The following PPP2R3A variants were observed in gnomAD, a reference collection of about 807,000 sequenced individuals.
PPP2R3A encodes serine/threonine-protein phosphatase 2A regulatory subunit B'' subunit alpha.
Under a neutral mutation model 106.9 loss-of-function variants are expected in PPP2R3A, and 80 were observed. That is an observed-to-expected ratio of 0.75 (90% CI 0.62 to 0.90). The LOEUF (loss-of-function observed/expected upper bound fraction) is 0.90. PPP2R3A is among the 40% of genes least tolerant of loss of function. The pLI is 0.00. For synonymous variants in PPP2R3A, 483 were observed against 468.3 expected (o/e 1.03, Z -0.41); for missense variants, 1,386 against 1,350.4 (o/e 1.03, Z -0.41).
intron 5 of PPP2R3A, among the ~76,000 whole-genome samples, chr3:136,067,893 T>C (rs182028979): frequency 5.9e-5 from 9 of 152,312 alleles, no homozygotes; most frequent in African/African-American, 2.2e-4. Flanking sequence ...GGTCATCTTA[T>C]GCCAGAAAAT....
intron 6 of PPP2R3A, among the ~76,000 whole-genome samples, chr3:136,078,161 T>A (rs1936657606): frequency 6.6e-6 from 1 of 152,244 alleles, no homozygotes; most frequent in Admixed American, 6.5e-5. Context: ...GAATTTTTTT[T>A]ATTCTTCTTG....
intron 7 of PPP2R3A, among the ~76,000 whole-genome samples, chr3:136,079,495 G>A (rs762759219): frequency 1.7e-4 from 25 of 149,188 alleles, no homozygotes; most frequent in Middle Eastern, 3.5e-3. Context: ...CACAATGTCC[G>A]CCTTCTGGAT....
intron 10 of PPP2R3A, among the ~76,000 whole-genome samples, chr3:136,093,720 A>G (rs1260480205): frequency 1.3e-5 from 2 of 152,204 alleles, no homozygotes; most frequent in African/African-American, 4.8e-5. Context: ...TCACACTAGG[A>G]TAGTTATCAA....
At chr3:136,088,020 G>T in intron 9 of PPP2R3A, 89 bp downstream of exon 9, 2 of 1,162,540 alleles carry the variant, frequency 1.7e-6, no homozygotes, top group South Asian at 1.3e-5. Context: ...GAATAATTTG[G>T]CAGTGCTATT....
intron 9 of PPP2R3A, among the ~76,000 whole-genome samples, chr3:136,088,237 C>T (rs545080722): frequency 5.3e-5 from 8 of 152,280 alleles, no homozygotes; most frequent in African/African-American, 1.9e-4. Context: ...TCCCTCAGCC[C>T]TCACTGTGCT....
At chr3:136,042,862 G>A (rs1345688442) in intron 4 of PPP2R3A, among the ~76,000 whole-genome samples, 1 of 152,128 alleles carries the variant, frequency 6.6e-6, no homozygotes, top group African/African-American at 2.4e-5. Flanking sequence ...TTAAAAGCCA[G>A]GGTGCTTGAA....
At chr3:136,109,315 G>A (rs1937561398) in intron 13 of PPP2R3A, among the ~76,000 whole-genome samples, 1 of 152,058 alleles carries the variant, frequency 6.6e-6, no homozygotes, top group African/African-American at 2.4e-5. Context: ...GAAAAACACA[G>A]ACCATGCGGC....
intron 8 of PPP2R3A, among the ~76,000 whole-genome samples, chr3:136,082,798 C>A (rs1010191591): frequency 6.6e-6 from 1 of 152,036 alleles, no homozygotes; most frequent in Non-Finnish European, 1.5e-5. Context: ...CTGTAAAAAG[C>A]CAAGCATGAA....
chr3:136,031,459 G>C (rs956576225), intron 3 of PPP2R3A, among the ~76,000 whole-genome samples: 7 of 152,274 alleles, frequency 4.6e-5, no homozygotes, highest in African/African-American at 1.7e-4. Flanking sequence ...TGGGTTGTCT[G>C]TTTACTTGCT....
chr3:136,145,083 G>C lies in PPP2R3A; in HGVS notation c.3370G>C (p.Glu1124Gln). Reference protein sequence around the residue: ...YETDEPASPSEFGNKSNKILS... With the variant: ...YETDEPASPSQFGNKSNKILS... Reference sequence around the variant, plus strand: ...AACAGATGAACCTGCCTCTCCCTCTGAATTTGGAAACAAAAGCAATAAAAT... The same window carrying C: ...AACAGATGAACCTGCCTCTCCCTCTCAATTTGGAAACAAAAGCAATAAAAT... The change falls in exon 14 of 14, where the codon GAA (glutamate) becomes CAA (glutamine). Residue 1124 changes from glutamate to glutamine, a missense_variant. Transcript: ENST00000264977. 10 of 1,613,542 alleles carry C rather than the reference G, an allele frequency of 6.2e-6. No individual in the cohort carries two copies. Among genetic ancestry groups the C allele is most frequent in the Non-Finnish European group, 8.5e-6 (10 of 1,179,718 alleles).
intron 13 of PPP2R3A, among the ~76,000 whole-genome samples, chr3:136,123,646 A>C (rs1325899112): frequency 6.6e-6 from 1 of 152,240 alleles, no homozygotes; most frequent in Non-Finnish European, 1.5e-5. Context: ...CATTTTACCC[A>C]GGAAACAAAC....
chr3:135,972,177 A>G (rs916718790), intron 1 of PPP2R3A, among the ~76,000 whole-genome samples: 5 of 152,154 alleles, frequency 3.3e-5, no homozygotes, highest in South Asian at 2.1e-4. Context: ...CTTTCTGTCT[A>G]TATGGATTTG....
chr3:136,142,709 CATT>C (rs1479166477), intron 13 of PPP2R3A, among the ~76,000 whole-genome samples: 1 of 152,192 alleles, frequency 6.6e-6, no homozygotes, highest in Non-Finnish European at 1.5e-5. Flanking sequence ...TCTTTTTCAT[CATT>C]ATAATCCTAG....
intron 2 of PPP2R3A, 25 bp from the exon 3 acceptor site, chr3:136,026,807 T>C: frequency 6.4e-7 from 1 of 1,563,044 alleles, no homozygotes; most frequent in African/African-American, 1.4e-5. Context: ...ATTTTTTGTG[T>C]CTCATAATCT....
Position 136,002,191 on chromosome 3 carries a change from G to A in PPP2R3A, c.693G>A (p.Met231Ile), listed in dbSNP as rs149262911. The A allele has an allele frequency of 1.1e-4, 175 of 1,613,412 alleles. No individual in the cohort carries two copies. In the African/African-American group the frequency reaches 1.9e-3, roughly 17 times the overall value. ...TTTCTTCTGGGACAGACATAAAGAT[G>A]TGCTTGGACATCTTATTGAAATGCT... ...DNFSSGTDIKMCLDILLKCSE... is the reference protein window; with the variant it reads ...DNFSSGTDIKICLDILLKCSE... Residue 231 changes from methionine to isoleucine, a missense_variant, in exon 2 of 14, where the codon ATG (methionine) becomes ATA (isoleucine). Met to Ile is a conservative substitution (Grantham distance 10). Coordinates refer to ENST00000264977, the MANE Select transcript of PPP2R3A (RefSeq NM_002718.5).
Position 136,050,762 on chromosome 3 carries a change from T to G in PPP2R3A, c.2469+1401T>G, listed in dbSNP as rs111675584. ...CTGCAGAAATCTCCTGCTGCCATGT[T>G]CCCTTATGCTTTCCTATCTCTGCCT... On this transcript the variant is annotated intron_variant, in intron 5 of 13. Coordinates refer to ENST00000264977, the MANE Select transcript of PPP2R3A (RefSeq NM_002718.5). 8.5e-5 allele frequency among the ~76,000 whole-genome samples: 13 copies of G among 152,292 alleles called. 1 individual carries two copies. The highest frequency in any genetic ancestry group is 2.9e-4 in the African/African-American group (12 of 41,566).
intron 13 of PPP2R3A, among the ~76,000 whole-genome samples, chr3:136,125,993 T>G (rs565482879): frequency 1.1e-3 from 172 of 152,204 alleles, no homozygotes; most frequent in African/African-American, 3.8e-3. Flanking sequence ...ACATCACAGT[T>G]ATGGTTAAAA....
At chr3:136,032,802 G>A (rs1359647819) in intron 3 of PPP2R3A, among the ~76,000 whole-genome samples, 1 of 152,122 alleles carries the variant, frequency 6.6e-6, no homozygotes, top group Non-Finnish European at 1.5e-5. Flanking sequence ...CCAAAGTGCT[G>A]GGATTATAGG....
Position 136,082,341 on chromosome 3 carries a change from T to C in PPP2R3A, c.2708T>C (p.Ile903Thr). ...DYFSYEHFYV[I>T]YCKFWELDTD... ...TTCTCCTATGAACATTTCTATGTTA[T>C]TTATTGTAAATTCTGGGAACTAGAT... The change falls in exon 8 of 14, where the codon ATT becomes ACT. Residue 903 changes from isoleucine (I) to threonine (T), a missense_variant. Transcript: ENST00000264977. 1.9e-6 allele frequency: 3 copies of C among 1,609,774 alleles called. No homozygotes were observed. The highest frequency in any genetic ancestry group is 2.6e-6 in the Non-Finnish European group (3 of 1,175,974).
Sources: allele counts gnomAD v4.1 joint callset (sites outside exome capture counted in the v4.1 genomes callset), GRCh38; gene constraint gnomAD v4.1.1; transcripts MANE v1.5; gene names NCBI Gene and HGNC (gene_info 2026-07-23, HGNC 2026-07-21).